GLIS3: variants seen among roughly 807,000 people sequenced by gnomAD.
GLIS3 encodes the protein GLIS family zinc finger 3.
In GLIS3, 53 loss-of-function variants were observed where a neutral mutation model predicts 78.6. That is an observed-to-expected ratio of 0.67 (90% confidence interval 0.54 to 0.85). GLIS3 has a LOEUF of 0.85. Ranked by LOEUF, GLIS3 falls within the 40% of genes least tolerant of loss-of-function variation. The probability of loss-of-function intolerance (pLI) is 0.00; values close to 1 mark genes in which losing one functional copy is unlikely to be tolerated. For synonymous variants in GLIS3, 684 were observed against 509.9 expected, an observed-to-expected ratio of 1.34 and a Z score of -4.60; for missense variants, 1,703 against 1,231.1, an observed-to-expected ratio of 1.38 and a Z score of -5.74.
intron 2 of GLIS3, among the ~76,000 whole-genome samples, chr9:4,160,433 T>C (rs1470409791): frequency 6.6e-6 from 1 of 152,238 alleles, no homozygotes; most frequent in Non-Finnish European, 1.5e-5. Flanking sequence ...TGCCTTATTT[T>C]GTCAGAAAGT....
At chr9:3,956,000 T>A (rs1817075732) in intron 4 of GLIS3, among the ~76,000 whole-genome samples, 1 of 118,056 alleles carries the variant, frequency 8.5e-6, no homozygotes, top group Non-Finnish European at 1.6e-5. Flanking sequence ...AAGTATTTCC[T>A]ACCACAATTG....
intron 2 of GLIS3, among the ~76,000 whole-genome samples, chr9:4,181,554 CCCA>C (rs1312680566): frequency 6.6e-6 from 1 of 152,212 alleles, no homozygotes; most frequent in Non-Finnish European, 1.5e-5. Context: ...TAGAAATTTT[CCCA>C]CCAAGCCCAG....
At chr9:4,038,275 G>C (rs566541549) in intron 4 of GLIS3, among the ~76,000 whole-genome samples, 1 of 124,900 alleles carries the variant, frequency 8.0e-6, no homozygotes, top group Non-Finnish European at 1.7e-5. Flanking sequence ...CTTTTGAAGT[G>C]TGGTAGGAAA....
At chr9:4,089,113 T>C (rs1271281341) in intron 4 of GLIS3, among the ~76,000 whole-genome samples, 2 of 152,242 alleles carry the variant, frequency 1.3e-5, no homozygotes, top group Admixed American at 6.5e-5. Context: ...GTCCCAAATA[T>C]TTTGATGTGG....
intron 2 of GLIS3, among the ~76,000 whole-genome samples, chr9:4,327,448 G>C (rs1817617891): frequency 6.6e-6 from 1 of 152,162 alleles, no homozygotes; most frequent in Non-Finnish European, 1.5e-5. Context: ...AGTAGTCCAG[G>C]TGAAGGAGGG....
intron 6 of GLIS3, among the ~76,000 whole-genome samples, chr9:3,908,471 G>A (rs1380786601): frequency 2.0e-5 from 3 of 152,116 alleles, no homozygotes; most frequent in Non-Finnish European, 4.4e-5. Flanking sequence ...CTATTTTAGG[G>A]CTTAATTTCC....
chr9:4,023,061 C>A (rs1182195284), intron 4 of GLIS3, among the ~76,000 whole-genome samples: 1 of 152,156 alleles, frequency 6.6e-6, no homozygotes, highest in Non-Finnish European at 1.5e-5. Flanking sequence ...ATGTAATTTA[C>A]TATACACAGA....
intron 2 of GLIS3, among the ~76,000 whole-genome samples, chr9:4,312,884 A>C (rs541685395): frequency 9.2e-5 from 14 of 152,200 alleles, no homozygotes; most frequent in Non-Finnish European, 1.9e-4. Context: ...CATGTTACAT[A>C]TATTAGTTCA....
intron 4 of GLIS3, among the ~76,000 whole-genome samples, chr9:4,077,056 C>T (rs1828132836): frequency 6.6e-6 from 1 of 151,688 alleles, no homozygotes; most frequent in African/African-American, 2.4e-5. Flanking sequence ...AAGACCTTGT[C>T]TAAAAAAACA....
At chr9:4,362,792 G>A in the GLIS3 span, among the ~76,000 whole-genome samples, 6 of 152,188 alleles carry the variant, frequency 3.9e-5, no homozygotes, top group African/African-American at 1.4e-4. Context: ...AAACTCTGCA[G>A]GACCTAGAGA....
At chr9:4,056,731 A>G (rs755915795) in intron 4 of GLIS3, among the ~76,000 whole-genome samples, 1 of 152,230 alleles carries the variant, frequency 6.6e-6, no homozygotes, top group Non-Finnish European at 1.5e-5. Context: ...CCCACCACGC[A>G]CACACAAACT....
Position 3,898,896 on chromosome 9 carries a change from G to T in GLIS3, c.1984-61C>A, listed in dbSNP as rs61201518. On this transcript the variant is annotated intron_variant, in intron 6 of 10. Coordinates refer to ENST00000381971, the MANE Select transcript of GLIS3 (RefSeq NM_001042413.2). Reference sequence around the variant, plus strand: ...GAGCCGGTCCTTGGAATATTTTCCTGGGAAGGCATCATGCTCTATCAGTGC... The same window carrying T: ...GAGCCGGTCCTTGGAATATTTTCCTTGGAAGGCATCATGCTCTATCAGTGC... 4.0e-3 allele frequency: 6,480 copies of T among 1,609,422 alleles called. 149 individuals are homozygous for T. The African/African-American group carries it at 0.061, about 15-fold the overall frequency.
chr9:4,288,112 A>T (rs776353706), intron 1 of GLIS3, among the ~76,000 whole-genome samples: 2 of 152,154 alleles, frequency 1.3e-5, no homozygotes, highest in Non-Finnish European at 2.9e-5. Flanking sequence ...TAAAATTCCA[A>T]TGCTTTTTAT....
chr9:4,277,547 C>A (rs1386204357), intron 2 of GLIS3, among the ~76,000 whole-genome samples: 1 of 152,180 alleles, frequency 6.6e-6, no homozygotes, highest in Admixed American at 6.5e-5. Flanking sequence ...AGTTTGGTGT[C>A]CTTTGTTGAT....
chr9:4,061,993 T>C (rs755255250), intron 4 of GLIS3, among the ~76,000 whole-genome samples: 17 of 152,306 alleles, frequency 1.1e-4, no homozygotes, highest in Non-Finnish European at 2.2e-4. Context: ...GGACTCCTCA[T>C]CCTCCTTGTC....
chr9:3,930,063 G>A lies in GLIS3; in HGVS notation c.1983+2297C>T, dbSNP rs1032931188. Among the ~76,000 whole-genome samples the A allele has an allele frequency of 5.3e-5, 8 of 152,212 alleles. No homozygotes were observed. In the East Asian group the frequency reaches 5.8e-4, roughly 11 times the overall value. ...CAGGTTTATTAGCAACTGCTTCTCC[G>A]GGAATGACATTTCCTTTTTCTGTTG... On this transcript the variant is annotated intron_variant, in intron 6 of 10. Transcript: ENST00000381971.
At chr9:4,362,725 G>C in the GLIS3 span, among the ~76,000 whole-genome samples, 3 of 152,274 alleles carry the variant, frequency 2.0e-5, no homozygotes, top group East Asian at 3.9e-4. Context: ...GCATGGAAAA[G>C]CACAAAGGAA....
intron 2 of GLIS3, among the ~76,000 whole-genome samples, chr9:4,316,837 C>A (rs10814927): frequency 0.47 from 71,098 of 151,912 alleles, 18,942 homozygotes; most frequent in African/African-American, 0.75. Flanking sequence ...AATTTATTTC[C>A]GTGTTTAATA....
rs1056967045 is a variant in GLIS3, at chr9:4,283,270, T to G, written c.388+2768A>C. 1.2e-3 allele frequency among the ~76,000 whole-genome samples: 6 copies of G among 5,202 alleles called. No homozygotes were observed. The South Asian group carries it at 0.014, about 12-fold the overall frequency. The allele number at this position is 5,202 out of a possible 152,430, so 3.4% of individuals were successfully genotyped here. ...ACTGTGCTGTTTTTTTGTTTTTTTG[T>G]TTTTTTTTTTTTTGAGATAGAGTCT... is the stretch of plus-strand genomic sequence containing the variant. On this transcript the variant is annotated intron_variant, in intron 2 of 10. Transcript: ENST00000381971.
Sources: gnomAD v4.1 joint callset for allele counts (sites outside exome capture counted in the v4.1 genomes callset) on GRCh38, gnomAD v4.1.1 for gene constraint, MANE v1.5 for transcripts, NCBI Gene and HGNC (gene_info 2026-07-23, HGNC 2026-07-21) for gene names.